ARHGEF3: variants seen among roughly 807,000 people sequenced by gnomAD.
The protein encoded by ARHGEF3 is Rho guanine nucleotide exchange factor 3.
A neutral mutation model predicts 63.2 loss-of-function variants in ARHGEF3; 28 were observed. That is an observed-to-expected ratio of 0.44 (90% CI 0.33 to 0.61). The LOEUF (loss-of-function observed/expected upper bound fraction) is 0.61, where lower values mean the gene tolerates loss of function less well. ARHGEF3 is among the 20% of genes least tolerant of loss of function. The probability of loss-of-function intolerance (pLI) is 0.03; values close to 1 mark genes in which losing one functional copy is unlikely to be tolerated. For missense variants in ARHGEF3, 533 were observed against 659.3 expected (o/e 0.81, Z 2.10); for synonymous variants, 266 against 254.2 (o/e 1.05, Z -0.44).
chr3:56,869,840 T>C (rs1422484611), intron 4 of ARHGEF3, among the ~76,000 whole-genome samples: 1 of 152,176 alleles, frequency 6.6e-6, no homozygotes, highest in Non-Finnish European at 1.5e-5. Flanking sequence ...AAGTATTACT[T>C]TCTAGTGACT....
chr3:56,965,647 T>TC (rs1412354652), intron 2 of ARHGEF3, among the ~76,000 whole-genome samples: 1 of 114,944 alleles, frequency 8.7e-6, no homozygotes, highest in East Asian at 2.0e-4. Context: ...ACTACATTCT[T>TC]TTTTTTTTTT....
chr3:57,022,201 G>A, intron 2 of ARHGEF3, among the ~76,000 whole-genome samples: 1 of 152,092 alleles, frequency 6.6e-6, no homozygotes. Context: ...TTGAGCTCAG[G>A]AGTTTGAGGC....
intron 6 of ARHGEF3, among the ~76,000 whole-genome samples, chr3:56,746,681 G>A (rs1485329217): frequency 6.6e-6 from 1 of 151,814 alleles, no homozygotes; most frequent in African/African-American, 2.4e-5. Flanking sequence ...AGTGAGCCGA[G>A]ATCATGCCAC....
chr3:56,998,238 C>T (rs910843862), intron 2 of ARHGEF3, among the ~76,000 whole-genome samples: 4 of 152,118 alleles, frequency 2.6e-5, no homozygotes, highest in Non-Finnish European at 5.9e-5. Context: ...TCTCTCTGCA[C>T]ACACACAAAA....
At chr3:56,759,751 G>T (rs1014898080) in intron 2 of ARHGEF3, among the ~76,000 whole-genome samples, 3 of 151,738 alleles carry the variant, frequency 2.0e-5, no homozygotes, top group Non-Finnish European at 4.4e-5. Context: ...TTGCTGTGTT[G>T]CCCAGGTTGG....
intron 2 of ARHGEF3, among the ~76,000 whole-genome samples, chr3:56,766,308 C>G (rs536789685): frequency 6.6e-6 from 1 of 152,306 alleles, no homozygotes; most frequent in South Asian, 2.1e-4. Flanking sequence ...TAAAATAACT[C>G]CCTGATCTAA....
At position 56,801,830 on chromosome 3, in the gene ARHGEF3, A is replaced by T. The variant is rs1480755738; in HGVS notation, c.-32T>A. ...TGCCGGGCCTGCCCTTTGGGATGTC[A>T]CCGCTGACCCTAGGCGACTACAAAA... On this transcript the variant is annotated 5_prime_UTR_variant, in exon 1 of 10. Coordinates refer to ENST00000296315, the MANE Select transcript of ARHGEF3 (RefSeq NM_019555.3). 1 of 1,552,716 alleles carries T rather than the reference A, an allele frequency of 6.4e-7. No homozygotes were observed. The highest frequency in any genetic ancestry group is 2.0e-5 in the Admixed American group (1 of 51,132).
chr3:57,064,875 T>C (rs1297642558), intron 1 of ARHGEF3, among the ~76,000 whole-genome samples: 4 of 152,212 alleles, frequency 2.6e-5, no homozygotes, highest in Non-Finnish European at 5.9e-5. Flanking sequence ...ATAATATCAG[T>C]ATACGCAACA....
At chr3:56,895,225 G>A (rs1030680405) in intron 3 of ARHGEF3, among the ~76,000 whole-genome samples, 1 of 152,124 alleles carries the variant, frequency 6.6e-6, no homozygotes, top group Non-Finnish European at 1.5e-5. Context: ...TGGCTTTCAC[G>A]TTATTGTTCT....
At chr3:56,984,716 C>T (rs1334444966) in intron 2 of ARHGEF3, among the ~76,000 whole-genome samples, 3 of 152,140 alleles carry the variant, frequency 2.0e-5, no homozygotes, top group East Asian at 1.9e-4. Flanking sequence ...ATCAAGTGAA[C>T]ATTACTCCCT....
intron 2 of ARHGEF3, chr3:56,960,488 T>C (rs1172770023): frequency 6.6e-6 from 1 of 152,232 alleles, no homozygotes; most frequent in Non-Finnish European, 1.5e-5. Flanking sequence ...TGAGTCAAGA[T>C]GAGATGAGGA....
intron 3 of ARHGEF3, among the ~76,000 whole-genome samples, chr3:56,896,983 A>G (rs1230021422): frequency 6.6e-6 from 1 of 152,228 alleles, no homozygotes; most frequent in Non-Finnish European, 1.5e-5. Context: ...AATTGAAAAT[A>G]TGGAAGTGTC....
intron 3 of ARHGEF3, among the ~76,000 whole-genome samples, chr3:56,898,076 C>T (rs1383948124): frequency 6.6e-6 from 1 of 151,888 alleles, no homozygotes; most frequent in East Asian, 2.0e-4. Flanking sequence ...GACGGGGTCT[C>T]ATTTTGTTGC....
At chr3:56,868,964 G>C (rs1300211882) in intron 4 of ARHGEF3, among the ~76,000 whole-genome samples, 2 of 152,118 alleles carry the variant, frequency 1.3e-5, no homozygotes, top group Non-Finnish European at 2.9e-5. Flanking sequence ...CTGAGTGAAT[G>C]CACTAAAGAA....
chr3:56,812,739 C>G (rs1474951137), intron 4 of ARHGEF3, among the ~76,000 whole-genome samples: 1 of 152,220 alleles, frequency 6.6e-6, no homozygotes, highest in Admixed American at 6.5e-5. Flanking sequence ...ATCTGAAGTT[C>G]AAGGCTGATG....
At chr3:56,911,960 T>C (rs909684100) in intron 3 of ARHGEF3, among the ~76,000 whole-genome samples, 20 of 149,772 alleles carry the variant, frequency 1.3e-4, no homozygotes, top group African/African-American at 4.0e-4. Context: ...CATATATATA[T>C]ACACACACAT....
chr3:56,921,481 C>T (rs527800495), intron 3 of ARHGEF3, among the ~76,000 whole-genome samples: 2 of 138,558 alleles, frequency 1.4e-5, no homozygotes, highest in East Asian at 3.9e-4. Flanking sequence ...CACAGCAAGC[C>T]AGTGAGAAAT....
intron 4 of ARHGEF3, among the ~76,000 whole-genome samples, chr3:56,858,794 G>A (rs555020929): frequency 1.3e-5 from 2 of 152,234 alleles, no homozygotes; most frequent in Non-Finnish European, 2.9e-5. Context: ...GGTGCCAAGA[G>A]ATGGAGAGGG....
At chr3:56,758,557 A>G (rs1039016639) in intron 2 of ARHGEF3, among the ~76,000 whole-genome samples, 2 of 152,228 alleles carry the variant, frequency 1.3e-5, no homozygotes, top group African/African-American at 4.8e-5. Flanking sequence ...AAGTAGCAAC[A>G]CAAGCCCCTT....
Sources: allele counts gnomAD v4.1 joint callset (sites outside exome capture counted in the v4.1 genomes callset), GRCh38; gene constraint gnomAD v4.1.1; transcripts MANE v1.5; gene names NCBI Gene and HGNC (gene_info 2026-07-23, HGNC 2026-07-21).